The following ZNF516 variants were observed in gnomAD, a reference collection of about 807,000 sequenced individuals.
The protein encoded by ZNF516 is zinc finger protein 516.
Under a neutral mutation model 79.7 loss-of-function variants are expected in ZNF516, and 19 were observed. The observed-to-expected ratio is 0.24, with a 90% CI of 0.17 to 0.35. The LOEUF is 0.35. Among genes scored for constraint, ZNF516 ranks in the 10% least tolerant of loss-of-function variants. The probability of loss-of-function intolerance (pLI) is 1.00; values close to 1 mark genes in which losing one functional copy is unlikely to be tolerated. For missense variants in ZNF516, 1,678 were observed against 1,679.5 expected, an observed-to-expected ratio of 1.00 and a Z score of 0.02; for synonymous variants, 877 against 739.5, an observed-to-expected ratio of 1.19 and a Z score of -3.02.
At chr18:76,475,795 C>G (rs746067417) in intron 1 of ZNF516, among the ~76,000 whole-genome samples, 1 of 152,010 alleles carries the variant, frequency 6.6e-6, no homozygotes, top group African/African-American at 2.4e-5. Context: ...TGAAATGTTA[C>G]GCAAAATTAA....
rs377559097 is a variant in ZNF516, at chr18:76,379,859, G to T, written c.2255C>A (p.Ser752Tyr). Residue 752 changes from serine to tyrosine, a missense_variant, in exon 4 of 7, where the codon TCC becomes TAC. By Grantham distance (144) the Ser-to-Tyr change is moderately radical. Coordinates refer to ENST00000443185, the MANE Select transcript of ZNF516 (RefSeq NM_014643.4). ...DDPSNKETAS[S>Y]LQAALVVHPC... ...GTGAACGACTAAAGCCGCCTGCAGG[G>T]AGGAGGCCGTCTCCTTATTGCTGGG... 9 of 1,613,774 alleles carry T rather than the reference G, an allele frequency of 5.6e-6. No individual in the cohort carries two copies. The African/African-American group carries it at 1.2e-4, about 22-fold the overall frequency.
rs184395668 is a variant in ZNF516, at chr18:76,452,090, G to A, written c.-157-8879C>T. Among the ~76,000 whole-genome samples the A allele has an allele frequency of 9.9e-5, 15 of 152,224 alleles. No individual in the cohort carries two copies. The East Asian group carries it at 2.1e-3, about 22-fold the overall frequency. ...AAATGAATAAAAGGCGACCAGAATC[G>A]GCAGCATTCACAAGAAACTCCACCC... On this transcript the variant is annotated intron_variant, in intron 2 of 6. Transcript: ENST00000443185.
chr18:76,442,724 G>C lies in ZNF516; in HGVS notation c.331C>G (p.Leu111Val). 3 of 1,580,144 alleles carry C rather than the reference G, an allele frequency of 1.9e-6. No homozygotes were observed. Among genetic ancestry groups the C allele is most frequent in the East Asian group, 4.7e-5 (2 of 42,714 alleles). Residue 111 changes from leucine to valine, a missense_variant, in exon 3 of 7, where the codon CTG (leucine) becomes GTG (valine). By Grantham distance (32) the Leu-to-Val change is conservative. Transcript: ENST00000443185. Reference sequence around the variant, plus strand: ...TTGGTGGGGCTGGCGCAGGCGTCCAGGCCCTCGGAGGCGCGCATCTCACCC... The same window carrying C: ...TTGGTGGGGCTGGCGCAGGCGTCCACGCCCTCGGAGGCGCGCATCTCACCC... Reference protein sequence around the residue: ...PLGEMRASEGLDACASPTKSA... With the variant: ...PLGEMRASEGVDACASPTKSA...
intron 2 of ZNF516, among the ~76,000 whole-genome samples, chr18:76,446,066 C>A (rs1430777700): frequency 6.6e-6 from 1 of 151,426 alleles, no homozygotes; most frequent in South Asian, 2.1e-4. Context: ...AGTTGGGAAC[C>A]CTGGTCCCAG....
chr18:76,392,812 AAGGC>A (rs1195910199), intron 3 of ZNF516, among the ~76,000 whole-genome samples: 82 of 75,888 alleles, frequency 1.1e-3, no homozygotes, highest in East Asian at 1.7e-3. Context: ...AGGTGGGGGA[AAGGC>A]AGGTAGTCAG....
At chr18:76,410,095 A>G (rs1255514647) in intron 3 of ZNF516, among the ~76,000 whole-genome samples, 2 of 152,180 alleles carry the variant, frequency 1.3e-5, no homozygotes, top group Non-Finnish European at 2.9e-5. Context: ...ATGGGGAGCT[A>G]TGAGTCCACT....
At chr18:76,487,361 G>C (rs1426665519) in intron 1 of ZNF516, among the ~76,000 whole-genome samples, 2 of 152,100 alleles carry the variant, frequency 1.3e-5, no homozygotes, top group Non-Finnish European at 2.9e-5. Context: ...AATACACTTC[G>C]TACACTGTAG....
chr18:76,382,220 A>G (rs1273721939), intron 3 of ZNF516, among the ~76,000 whole-genome samples: 1 of 152,214 alleles, frequency 6.6e-6, no homozygotes, highest in Non-Finnish European at 1.5e-5. Context: ...TTATACGCAC[A>G]CAGTGGTATG....
Position 76,451,334 on chromosome 18 carries a change from C to T in ZNF516, c.-157-8123G>A, listed in dbSNP as rs559852142. ...GGCGGGGGGGGCACCGATGTCAGCC[C>T]GGGATGGATGTCCGCGGGTGCAGGG... is the stretch of plus-strand genomic sequence containing the variant. On this transcript the variant is annotated intron_variant, in intron 2 of 6. Coordinates refer to ENST00000443185, the MANE Select transcript of ZNF516 (RefSeq NM_014643.4). This position sits in a 1 kb window ranked among gnomAD's most constrained non-coding sequence, Gnocchi z 6.0. 3.9e-5 allele frequency among the ~76,000 whole-genome samples: 6 copies of T among 152,204 alleles called. No homozygotes were observed. In the East Asian group the frequency reaches 9.6e-4, roughly 24 times the overall value.
In ZNF516 at chr18:76,476,022, T is replaced by C. The variant is rs983545193; in HGVS notation, c.-271-12881A>G. ...ACACACTTTTTCCTCAAAATGCAAT[T>C]TCCTCTTTCGACTGTAAATATCTCG... On this transcript the variant is annotated intron_variant, in intron 1 of 6. Coordinates refer to ENST00000443185, the MANE Select transcript of ZNF516 (RefSeq NM_014643.4). Among the ~76,000 whole-genome samples the C allele has an allele frequency of 5.9e-5, 9 of 152,332 alleles. No individual in the cohort carries two copies. In the East Asian group the frequency reaches 7.7e-4, roughly 13 times the overall value.
At chr18:76,363,729 T>C (rs2074574376) in intron 6 of ZNF516, among the ~76,000 whole-genome samples, 1 of 152,246 alleles carries the variant, frequency 6.6e-6, no homozygotes, top group African/African-American at 2.4e-5. Context: ...TCTGAGGTTC[T>C]GATGGGAAAT....
At position 76,442,817 on chromosome 18, in the gene ZNF516, G is replaced by T; in HGVS notation, c.238C>A (p.His80Asn). ...RASQKGNLKI[H>N]IRSHRTGTLI... ...GTCCCCGTGCGGTGGCTCCGGATGT[G>T]AATCTTCAGGTTGCCCTTCTGGGAA... is the stretch of plus-strand genomic sequence containing the variant. The change falls in exon 3 of 7, where the codon CAC becomes AAC. Residue 80 changes from histidine to asparagine, a missense_variant. By Grantham distance (68) the His-to-Asn change is moderately conservative. Coordinates refer to ENST00000443185, the MANE Select transcript of ZNF516 (RefSeq NM_014643.4). 6.2e-7 allele frequency: 1 copy of T among 1,612,252 alleles called. No homozygotes were observed. Among genetic ancestry groups the T allele is most frequent in the Admixed American group, 1.7e-5 (1 of 59,822 alleles).
intron 3 of ZNF516, among the ~76,000 whole-genome samples, chr18:76,409,557 G>C (rs2075346574): frequency 6.6e-6 from 1 of 152,320 alleles, no homozygotes; most frequent in South Asian, 2.1e-4. Context: ...ACAATCACAT[G>C]GTGGGCCAGA....
upstream of ZNF516, chr18:76,496,213 A>G: frequency 7.4e-6 from 9 of 1,222,624 alleles, no homozygotes; most frequent in Non-Finnish European, 9.5e-6. Flanking sequence ...GCGCCCCTTC[A>G]CGGCCGGTGA....
At chr18:76,370,887 C>T (rs574878263) in intron 5 of ZNF516, among the ~76,000 whole-genome samples, 50 of 152,224 alleles carry the variant, frequency 3.3e-4, no homozygotes, top group Admixed American at 2.9e-3. Context: ...ACCACTCGGC[C>T]TGTGTCATCT....
intron 2 of ZNF516, among the ~76,000 whole-genome samples, chr18:76,443,653 G>A (rs1911867292): frequency 6.6e-6 from 1 of 152,166 alleles, no homozygotes; most frequent in South Asian, 2.1e-4. Context: ...CTGCACAGGT[G>A]GTGACAACAG....
At chr18:76,374,123 CAA>C (rs1204058461) in intron 4 of ZNF516, among the ~76,000 whole-genome samples, 1 of 152,194 alleles carries the variant, frequency 6.6e-6, no homozygotes, top group Admixed American at 6.5e-5. Context: ...CAAGAAAGCA[CAA>C]AGCTTTCATC....
intron 3 of ZNF516, among the ~76,000 whole-genome samples, chr18:76,384,321 TCCA>T (rs1163491117): frequency 3.2e-5 from 1 of 30,944 alleles, no homozygotes; most frequent in African/African-American, 1.4e-4. Flanking sequence ...CCATACCCCC[TCCA>T]CCACCCCCAC....
chr18:76,428,329 G>A (rs1321040314), intron 3 of ZNF516, among the ~76,000 whole-genome samples: 1 of 151,188 alleles, frequency 6.6e-6, no homozygotes, highest in African/African-American at 2.4e-5. Flanking sequence ...ACAGACAGAG[G>A]TTGCAGTGAG....
Sources: allele counts gnomAD v4.1 joint callset (sites outside exome capture counted in the v4.1 genomes callset), GRCh38; gene constraint gnomAD v4.1.1; non-coding constraint Gnocchi (gnomAD v3.1); transcripts MANE v1.5; gene names NCBI Gene and HGNC (gene_info 2026-07-23, HGNC 2026-07-21).